The following LRRC37A2 variants were observed in gnomAD, a reference collection of about 807,000 sequenced individuals.
LRRC37A2 encodes the protein leucine-rich repeat-containing protein 37A2.
In LRRC37A2, 9 loss-of-function variants were observed where a neutral mutation model predicts 68.8. The observed-to-expected ratio is 0.13, with a 90% CI of 0.08 to 0.23. LRRC37A2 has a LOEUF of 0.23. Among genes scored for constraint, LRRC37A2 ranks in the 10% least tolerant of loss-of-function variants. The pLI is 1.00. For missense variants in LRRC37A2, 168 were observed against 950.4 expected, an observed-to-expected ratio of 0.18 and a Z score of 10.82; for synonymous variants, 63 against 367.6, an observed-to-expected ratio of 0.17 and a Z score of 9.48.
At chr17:46,991,619 AT>A in the LRRC37A2 span, among the ~76,000 whole-genome samples, 1 of 14,566 alleles carries the variant, frequency 6.9e-5, no homozygotes, top group South Asian at 2.6e-3. Flanking sequence ...TCTCAAAAAA[AT>A]AAAATAAAAT....
At chr17:47,018,864 A>G in the LRRC37A2 span, 1 of 1,519,784 alleles carries the variant, frequency 6.6e-7, no homozygotes, top group Non-Finnish European at 9.1e-7. Context: ...TCCAGAATCC[A>G]TGACAGAGGT....
chr17:46,418,209 GTGTGTT>G, the LRRC37A2 span, among the ~76,000 whole-genome samples: 26 of 46,598 alleles, frequency 5.6e-4, 3 homozygotes, highest in South Asian at 9.8e-3. Flanking sequence ...GTGTGTGTGT[GTGTGTT>G]TGTGTGTGTG....
At chr17:46,923,903 G>C in the LRRC37A2 span, 1 of 398,510 alleles carries the variant, frequency 2.5e-6, no homozygotes, top group East Asian at 3.6e-5. Context: ...CCTATTTTTG[G>C]GGGCGGGGGG....
At chr17:46,980,967 G>C in the LRRC37A2 span, among the ~76,000 whole-genome samples, 1 of 152,208 alleles carries the variant, frequency 6.6e-6, no homozygotes, top group African/African-American at 2.4e-5. Context: ...CCCCAACATT[G>C]TTATCATTAT....
At chr17:46,988,045 G>A in the LRRC37A2 span, among the ~76,000 whole-genome samples, 1 of 152,114 alleles carries the variant, frequency 6.6e-6, no homozygotes, top group Non-Finnish European at 1.5e-5. Context: ...GGTGGCACAC[G>A]CCTATAGTCC....
At chr17:46,480,133 G>GGT in the LRRC37A2 span, among the ~76,000 whole-genome samples, 2 of 83,020 alleles carry the variant, frequency 2.4e-5, no homozygotes, top group Non-Finnish European at 2.7e-5. Context: ...TGGGACTACA[G>GGT]GCACCCACCA....
the LRRC37A2 span, chr17:46,851,637 C>A: frequency 7.8e-7 from 1 of 1,274,988 alleles, no homozygotes; most frequent in Non-Finnish European, 9.9e-7. The surrounding 1 kb of genome is among the most constrained non-coding windows in gnomAD (Gnocchi z 4.3). Flanking sequence ...GCCGCCAGCA[C>A]CATGCGCCCC....
At chr17:46,803,366 T>C in the LRRC37A2 span, among the ~76,000 whole-genome samples, 1 of 152,292 alleles carries the variant, frequency 6.6e-6, no homozygotes, top group East Asian at 1.9e-4. Flanking sequence ...AAACCTTGTC[T>C]CTACTAAAAA....
the LRRC37A2 span, among the ~76,000 whole-genome samples, chr17:46,620,309 C>T: frequency 1.9e-4 from 2 of 10,596 alleles, no homozygotes; most frequent in Non-Finnish European, 3.0e-4. Flanking sequence ...TTTTTTCTCT[C>T]GCTCTCTTTT....
At chr17:46,676,234 T>TC in the LRRC37A2 span, among the ~76,000 whole-genome samples, 1 of 74,024 alleles carries the variant, frequency 1.4e-5, no homozygotes, top group East Asian at 1.3e-3. Context: ...ATTCTTCTTC[T>TC]TTTTTTTTTT....
At chr17:46,957,651 C>T in the LRRC37A2 span, among the ~76,000 whole-genome samples, 8 of 152,036 alleles carry the variant, frequency 5.3e-5, no homozygotes, top group Admixed American at 2.0e-4. Flanking sequence ...ACCCAGACAG[C>T]AGGAAGCCCA....
chr17:46,749,486 C>T, the LRRC37A2 span, among the ~76,000 whole-genome samples: 25 of 152,306 alleles, frequency 1.6e-4, no homozygotes, highest in Non-Finnish European at 2.9e-4. Context: ...CATACATACA[C>T]GTCAGTATCT....
chr17:46,851,775 T>C, the LRRC37A2 span: 1 of 890,818 alleles, frequency 1.1e-6, no homozygotes, highest in Non-Finnish European at 1.5e-6. The surrounding 1 kb of genome is among the most constrained non-coding windows in gnomAD (Gnocchi z 4.3). Flanking sequence ...CCTCCTGCGC[T>C]ACAGCTGGGC....
the LRRC37A2 span, among the ~76,000 whole-genome samples, chr17:46,403,762 G>C: frequency 1.1e-5 from 1 of 88,590 alleles, no homozygotes; most frequent in Non-Finnish European, 2.6e-5. Context: ...ACAGTGACAC[G>C]ATCTCAGCTC....
chr17:46,942,032 A>G, the LRRC37A2 span: 1 of 852,808 alleles, frequency 1.2e-6, no homozygotes, highest in South Asian at 5.4e-5. Context: ...CTTAGTCCAA[A>G]AAAGATTTGA....
the LRRC37A2 span, among the ~76,000 whole-genome samples, chr17:46,911,247 A>C: frequency 6.6e-6 from 1 of 152,250 alleles, no homozygotes; most frequent in South Asian, 2.1e-4. Flanking sequence ...AGCTTGGAGA[A>C]TCAGACTCAG....
chr17:46,704,860 T>C, the LRRC37A2 span: 1 of 1,596,488 alleles, frequency 6.3e-7, no homozygotes, highest in Non-Finnish European at 8.5e-7. Context: ...AACCAGTGAG[T>C]ATGCCCATTG....
At chr17:46,832,323 G>C in the LRRC37A2 span, among the ~76,000 whole-genome samples, 2 of 151,688 alleles carry the variant, frequency 1.3e-5, no homozygotes, top group African/African-American at 4.8e-5. Context: ...GCCCCAGAAG[G>C]GCCTGGTTGT....
At chr17:47,011,788 T>C in the LRRC37A2 span, among the ~76,000 whole-genome samples, 1 of 152,092 alleles carries the variant, frequency 6.6e-6, no homozygotes, top group Non-Finnish European at 1.5e-5. Flanking sequence ...TCAACTCTGA[T>C]GTTTCCTCAG....
Sources: gnomAD v4.1 joint callset for allele counts (sites outside exome capture counted in the v4.1 genomes callset) on GRCh38, gnomAD v4.1.1 for gene constraint, Gnocchi (gnomAD v3.1) non-coding constraint, MANE v1.5 for transcripts, NCBI Gene and HGNC (gene_info 2026-07-23, HGNC 2026-07-21) for gene names.